The following NPHP4 variants were observed in gnomAD, a reference collection of about 807,000 sequenced individuals.
NPHP4 encodes nephrocystin 4, also known as nephrocystin-4.
A neutral mutation model predicts 155.8 loss-of-function variants in NPHP4; 151 were observed. The observed-to-expected ratio is 0.97, with a 90% CI of 0.85 to 1.11. The LOEUF (loss-of-function observed/expected upper bound fraction) is 1.11. Among genes scored for constraint, NPHP4 ranks in the 50% least tolerant of loss-of-function variants. The pLI is 0.00. For missense variants in NPHP4, 1,956 were observed against 1,925.7 expected (o/e 1.02, Z -0.29); for synonymous variants, 845 against 816.8 (o/e 1.03, Z -0.59).
Position 5,948,089 on chromosome 1 carries a change from C to T in NPHP4, c.973G>A (p.Val325Ile). ...CAATACCTGGTCTTGGAAGAGGAGA[C>T]CACTTTCCTGCTGAAGCTAGCTGAG... Reference protein sequence around the residue: ...TRSASFSRKVVSSSKTSSGSQ... With the variant: ...TRSASFSRKVISSSKTSSGSQ... Residue 325 changes from valine (V) to isoleucine (I), a missense_variant, in exon 8 of 30, where the codon GTC (valine) becomes ATC (isoleucine). Val to Ile is a conservative substitution (Grantham distance 29). Transcript: ENST00000378156. The T allele has an allele frequency of 6.2e-7, 1 of 1,613,840 alleles. No individual in the cohort carries two copies.
intron 5 of NPHP4, 144 bp from the exon 6 acceptor site, chr1:5,962,093 G>A (rs1271700243): frequency 9.1e-6 from 5 of 547,580 alleles, no homozygotes; most frequent in Admixed American, 3.1e-5. Context: ...GCTCTGTTCC[G>A]CCTCAAGTGA....
Position 5,909,195 on chromosome 1 carries a change from G to A in NPHP4, c.1460C>T (p.Pro487Leu), listed in dbSNP as rs747120806. The change falls in exon 12 of 30, where the codon CCT becomes CTT. Residue 487 changes from proline (P) to leucine (L), a missense_variant. Transcript: ENST00000378156. ...GTTCTGCGGGGCAGCGAGAACTCGA[G>A]GTACTGGCGCTGGCGGGCCTGGGAG... Reference protein sequence around the residue: ...TSPSSPPAPVPRVLAAPQNSP... With the variant: ...TSPSSPPAPVLRVLAAPQNSP... The A allele has an allele frequency of 6.2e-6, 10 of 1,604,446 alleles. No homozygotes were observed. Among genetic ancestry groups the A allele is most frequent in the Non-Finnish European group, 8.5e-6 (10 of 1,175,872 alleles).
At position 5,879,150 on chromosome 1, in the gene NPHP4, GGCCCCTCCCACCTCTAACT is replaced by G. The variant is rs936125279; in HGVS notation, c.2611+945_2611+963del. 1.8e-4 allele frequency among the ~76,000 whole-genome samples: 28 copies of G among 152,178 alleles called. 1 individual carries two copies. In the South Asian group the frequency reaches 2.9e-3, roughly 16 times the overall value. ...GAAGCCTTGCAGGAGGGAACCCAACGGCCCCTCCCACCTCTAACTGCCCCTCCCACCTCTAACAAGCCAC... is the reference window on the plus strand; with the variant it reads ...GAAGCCTTGCAGGAGGGAACCCAACGGCCCCTCCCACCTCTAACAAGCCAC... On this transcript the variant is annotated intron_variant, in intron 19 of 29. Coordinates refer to ENST00000378156, the MANE Select transcript of NPHP4 (RefSeq NM_015102.5).
chr1:5,936,186 CT>C (rs1214588551), intron 9 of NPHP4, among the ~76,000 whole-genome samples: 2 of 152,206 alleles, frequency 1.3e-5, no homozygotes, highest in Non-Finnish European at 1.5e-5. Flanking sequence ...TTTTTCCTCA[CT>C]TTTCTGTTTA....
chr1:5,962,002 C>T, intron 5 of NPHP4, 53 bp from the exon 6 acceptor site: 2 of 1,386,738 alleles, frequency 1.4e-6, no homozygotes, highest in Non-Finnish European at 2.0e-6. Flanking sequence ...AAAGGTGCTT[C>T]CAGTCAAACC....
rs986151904 is a variant in NPHP4, at chr1:5,880,414, C to T, written c.2486-175G>A. 7 of 611,886 alleles carry T rather than the reference C, an allele frequency of 1.1e-5. No individual in the cohort carries two copies. In the Admixed American group the frequency reaches 2.0e-4, roughly 18 times the overall value. 37.9% of individuals were successfully genotyped at this position (611,886 alleles called of 1,614,324 possible). ...TGCAATTGAGAGACAGGTGGGAGCT[C>T]GTTCTGCTGCGAACTTTCAGCTAGG... On this transcript the variant is annotated intron_variant, in intron 18 of 29. Coordinates refer to ENST00000378156, the MANE Select transcript of NPHP4 (RefSeq NM_015102.5).
intron 11 of NPHP4, among the ~76,000 whole-genome samples, chr1:5,918,893 T>C (rs1489944669): frequency 6.6e-6 from 1 of 152,210 alleles, no homozygotes; most frequent in African/African-American, 2.4e-5. Flanking sequence ...TTATCAGACC[T>C]TCAAGAAACA....
At chr1:5,864,610 G>T in intron 27 of NPHP4, 93 bp from the exon 28 acceptor site, 2 of 1,253,484 alleles carry the variant, frequency 1.6e-6, no homozygotes, top group Non-Finnish European at 2.2e-6. Flanking sequence ...AGCCAGGGGA[G>T]CCCAAGGTCA....
intron 10 of NPHP4, 116 bp downstream of exon 10, chr1:5,933,031 G>A (rs1646356608): frequency 2.4e-6 from 2 of 821,556 alleles, no homozygotes; most frequent in African/African-American, 3.4e-5. Flanking sequence ...CCCATGACAT[G>A]AAAAAAATTC....
chr1:5,868,025 G>A, intron 23 of NPHP4, 129 bp from the exon 24 acceptor site: 1 of 1,020,768 alleles, frequency 9.8e-7, no homozygotes, highest in Non-Finnish European at 1.5e-6. Flanking sequence ...CATGAGCGGG[G>A]AAGGTCGGGC....
intron 5 of NPHP4, among the ~76,000 whole-genome samples, chr1:5,964,933 A>ATTTTTTTTTTTT (rs1327414741): frequency 3.4e-4 from 8 of 23,780 alleles, no homozygotes; most frequent in African/African-American, 1.5e-3. Flanking sequence ...ATATATATAT[A>ATTTTTTTTTTTT]TATATATATT....
At chr1:5,949,026 T>C (rs576094867) in intron 7 of NPHP4, among the ~76,000 whole-genome samples, 6 of 152,326 alleles carry the variant, frequency 3.9e-5, no homozygotes, top group South Asian at 2.1e-4. Context: ...TATTAGTCTT[T>C]GGATAACGAA....
intron 22 of NPHP4, among the ~76,000 whole-genome samples, chr1:5,874,062 C>T (rs1426421076): frequency 6.6e-6 from 1 of 152,126 alleles, no homozygotes; most frequent in Non-Finnish European, 1.5e-5. Context: ...ACACATGCTC[C>T]CTGCACGCAT....
intron 16 of NPHP4, among the ~76,000 whole-genome samples, chr1:5,894,094 G>C (rs962961425): frequency 6.6e-6 from 1 of 152,154 alleles, no homozygotes; most frequent in Non-Finnish European, 1.5e-5. Flanking sequence ...AACTATTCTT[G>C]TTTTATATTT....
At chr1:5,879,708 C>T (rs1360101418) in intron 19 of NPHP4, 5 of 461,920 alleles carry the variant, frequency 1.1e-5, no homozygotes, top group East Asian at 1.2e-4. Context: ...GCCAGGGCAC[C>T]GAGCTGCATA....
At chr1:5,870,077 T>A (rs887951892) in intron 23 of NPHP4, among the ~76,000 whole-genome samples, 2 of 152,204 alleles carry the variant, frequency 1.3e-5, no homozygotes, top group Admixed American at 1.3e-4. Context: ...AGCAGTGACA[T>A]CCCAGTAGTA....
intron 19 of NPHP4, 90 bp downstream of exon 19, chr1:5,880,024 C>G (rs1643100225): frequency 2.8e-6 from 4 of 1,424,914 alleles, no homozygotes; most frequent in South Asian, 1.2e-5. Flanking sequence ...CACATGCACA[C>G]ACGCATGCAC....
chr1:5,873,592 C>T, intron 22 of NPHP4: 1 of 557,992 alleles, frequency 1.8e-6, no homozygotes, highest in South Asian at 2.3e-5. Context: ...ACCTGCAGTC[C>T]TCACAGCCCA....
rs1557661749 is a variant in NPHP4 at position 5,889,290 on chromosome 1, A to G, written c.2304+1578T>C. 6.6e-6 allele frequency among the ~76,000 whole-genome samples: 1 copy of G among 152,280 alleles called. No individual in the cohort carries two copies. The highest frequency in any genetic ancestry group is 1.5e-5 in the Non-Finnish European group (1 of 68,046). On this transcript the variant is annotated intron_variant, in intron 17 of 29. Transcript: ENST00000378156. The surrounding 1 kb of genome is among the most constrained non-coding windows in gnomAD (Gnocchi z 4.2). ...GCAGAAAGTAAGTCCACCAAAGGCTAACCGGAGCAACCTAACTCTCCCAGG... is the reference window on the plus strand; with the variant it reads ...GCAGAAAGTAAGTCCACCAAAGGCTGACCGGAGCAACCTAACTCTCCCAGG...
Sources: allele counts gnomAD v4.1 joint callset (sites outside exome capture counted in the v4.1 genomes callset), GRCh38; gene constraint gnomAD v4.1.1; non-coding constraint Gnocchi (gnomAD v3.1); transcripts MANE v1.5; gene names NCBI Gene and HGNC (gene_info 2026-07-23, HGNC 2026-07-21).